Variants in CSMD1 observed in about 807,000 individuals in gnomAD.
The protein encoded by CSMD1 is CUB and sushi domain-containing protein 1.
CSMD1 carries 213 observed loss-of-function variants against 417.5 expected under a neutral mutation model. The ratio of observed to expected loss-of-function variants is 0.51; its 90% CI spans 0.46 to 0.57. The LOEUF (loss-of-function observed/expected upper bound fraction) is 0.57. Ranked by LOEUF, CSMD1 falls within the 20% of genes least tolerant of loss-of-function variation. The pLI is 0.00. For synonymous variants in CSMD1, 2,862 were observed against 1,736.8 expected (o/e 1.65, Z -16.11); for missense variants, 6,923 against 4,529.7 (o/e 1.53, Z -15.17).
At chr8:4,429,335 TATGTGTGTATAC>T (rs1467440383) in intron 2 of CSMD1, among the ~76,000 whole-genome samples, 2 of 152,082 alleles carry the variant, frequency 1.3e-5, no homozygotes, top group Admixed American at 1.3e-4. Context: ...TACATGTGTA[TATGTGTGTATAC>T]ATAGATATAC....
At chr8:4,990,928 C>T (rs1811430981) in intron 1 of CSMD1, among the ~76,000 whole-genome samples, 1 of 152,178 alleles carries the variant, frequency 6.6e-6, no homozygotes, top group African/African-American at 2.4e-5. Context: ...GTGCTCACAT[C>T]TCTGCTGGGT....
chr8:4,303,731 C>G (rs1446905366), intron 3 of CSMD1, among the ~76,000 whole-genome samples: 1 of 151,972 alleles, frequency 6.6e-6, no homozygotes, highest in Non-Finnish European at 1.5e-5. Flanking sequence ...TCTTGGCTCA[C>G]CCCAACCTCA....
chr8:3,834,202 T>C (rs1448921196), intron 5 of CSMD1, among the ~76,000 whole-genome samples: 3 of 152,214 alleles, frequency 2.0e-5, no homozygotes, highest in East Asian at 1.9e-4. Flanking sequence ...TTTTAAAATT[T>C]TTTTTCTTTT....
At chr8:4,693,702 G>A (rs1030838823) in intron 1 of CSMD1, among the ~76,000 whole-genome samples, 13 of 151,974 alleles carry the variant, frequency 8.6e-5, no homozygotes, top group Non-Finnish European at 8.8e-5. Context: ...GTCTCCCTAC[G>A]CTTCCCAGGC....
chr8:4,832,624 T>C (rs1800220785), intron 1 of CSMD1, among the ~76,000 whole-genome samples: 1 of 152,194 alleles, frequency 6.6e-6, no homozygotes, highest in Admixed American at 6.5e-5. Context: ...TTATAGTAAG[T>C]GTCAAATCTA....
intron 10 of CSMD1, among the ~76,000 whole-genome samples, chr8:3,507,307 A>G (rs957243877): frequency 6.6e-6 from 1 of 152,162 alleles, no homozygotes; most frequent in Admixed American, 6.5e-5. Flanking sequence ...TTTTAGCTTC[A>G]TCCATGTCCC....
At chr8:3,576,559 A>T (rs1388428653) in intron 9 of CSMD1, among the ~76,000 whole-genome samples, 2 of 152,186 alleles carry the variant, frequency 1.3e-5, no homozygotes, top group Non-Finnish European at 2.9e-5. Context: ...CCTATTCTAC[A>T]TTGATAAGTG....
At chr8:4,524,466 T>A (rs928668293) in intron 2 of CSMD1, among the ~76,000 whole-genome samples, 3 of 152,024 alleles carry the variant, frequency 2.0e-5, no homozygotes, top group Non-Finnish European at 2.9e-5. Flanking sequence ...ACAGGACAGC[T>A]GAGTGAGGCC....
At chr8:4,327,352 G>C (rs1253362195) in intron 3 of CSMD1, among the ~76,000 whole-genome samples, 2 of 152,174 alleles carry the variant, frequency 1.3e-5, no homozygotes, top group Non-Finnish European at 2.9e-5. Context: ...TAGGCAGAGA[G>C]TTAAAAGAAA....
At position 3,724,942 on chromosome 8, in the gene CSMD1, T is replaced by C. The variant is rs1215016559; in HGVS notation, c.932-16451A>G. Among the ~76,000 whole-genome samples, 5 of 152,370 alleles carry C rather than the reference T, an allele frequency of 3.3e-5. No homozygotes were observed. In the East Asian group the frequency reaches 9.6e-4, roughly 29 times the overall value. On this transcript the variant is annotated intron_variant, in intron 6 of 69. Coordinates refer to ENST00000635120, the MANE Select transcript of CSMD1 (RefSeq NM_033225.6). ...TGCCCCACTATGTACAAATTCTTTTTAAAATATGTTGATGACTATTTCAAC... is the reference window on the plus strand; with the variant it reads ...TGCCCCACTATGTACAAATTCTTTTCAAAATATGTTGATGACTATTTCAAC...
At chr8:3,801,030 G>A (rs1418827304) in intron 5 of CSMD1, among the ~76,000 whole-genome samples, 2 of 151,474 alleles carry the variant, frequency 1.3e-5, no homozygotes, top group Admixed American at 6.6e-5. Flanking sequence ...AAAAGCAAAA[G>A]AGTAAATCTT....
chr8:3,974,474 G>C (rs899200851), intron 5 of CSMD1, among the ~76,000 whole-genome samples: 2 of 151,886 alleles, frequency 1.3e-5, no homozygotes, highest in Non-Finnish European at 2.9e-5. Flanking sequence ...TTATTAAAAT[G>C]TATTAAAACA....
Position 4,903,453 on chromosome 8 carries a change from G to A in CSMD1, c.85+90879C>T, listed in dbSNP as rs1805032398. Among the ~76,000 whole-genome samples, 3 of 152,162 alleles carry A rather than the reference G, an allele frequency of 2.0e-5. No individual in the cohort carries two copies. The Middle Eastern group carries it at 0.01, about 518-fold the overall frequency. ...ACCCTTGAGAATGATACCGTGCTAA[G>A]GCATACACCAATTGTACAAATGTAT... On this transcript the variant is annotated intron_variant, in intron 1 of 69. Transcript: ENST00000635120.
chr8:4,925,181 C>G (rs1176868919), intron 1 of CSMD1, among the ~76,000 whole-genome samples: 3 of 141,398 alleles, frequency 2.1e-5, no homozygotes, highest in Non-Finnish European at 3.0e-5. Context: ...TATGGTTAAT[C>G]AGAGAATAAA....
At chr8:3,606,788 G>A (rs991828957) in intron 8 of CSMD1, among the ~76,000 whole-genome samples, 23 of 150,348 alleles carry the variant, frequency 1.5e-4, no homozygotes, top group African/African-American at 2.5e-4. Context: ...TCCACTCAGC[G>A]CAACCTCCAC....
intron 3 of CSMD1, among the ~76,000 whole-genome samples, chr8:4,220,194 G>C (rs565018498): frequency 1.3e-5 from 2 of 152,164 alleles, no homozygotes; most frequent in African/African-American, 4.8e-5. Context: ...CAGGTGATGT[G>C]CTCGCCTTCG....
In CSMD1 at chr8:3,556,684, T is replaced by C. The variant is rs529180564; in HGVS notation, c.1344+18261A>G. 1.8e-4 allele frequency among the ~76,000 whole-genome samples: 27 copies of C among 152,104 alleles called. No individual in the cohort carries two copies. The South Asian group carries it at 5.4e-3, about 30-fold the overall frequency. ...GATAATGGTAATTGCGTCTCTCTAC[T>C]GTAAGCACCTTTAAATGAAAAGTAT... On this transcript the variant is annotated intron_variant, in intron 10 of 69. Coordinates refer to ENST00000635120, the MANE Select transcript of CSMD1 (RefSeq NM_033225.6).
chr8:4,236,705 A>C (rs966878356), intron 3 of CSMD1, among the ~76,000 whole-genome samples: 2 of 152,224 alleles, frequency 1.3e-5, no homozygotes, highest in African/African-American at 4.8e-5. Context: ...CTTCATCTGT[A>C]AAATGGCAAT....
At chr8:4,317,958 G>C (rs536897950) in intron 3 of CSMD1, among the ~76,000 whole-genome samples, 12 of 152,254 alleles carry the variant, frequency 7.9e-5, no homozygotes, top group African/African-American at 2.6e-4. Context: ...CGAATTTAAG[G>C]TATTTGGTAT....
Sources: allele counts gnomAD v4.1 joint callset (sites outside exome capture counted in the v4.1 genomes callset), GRCh38; gene constraint gnomAD v4.1.1; transcripts MANE v1.5; gene names NCBI Gene and HGNC (gene_info 2026-07-23, HGNC 2026-07-21).